The following MOCOS variants were observed in gnomAD, a reference collection of about 807,000 sequenced individuals.
MOCOS encodes molybdenum cofactor sulfurase.
A neutral mutation model predicts 83.6 loss-of-function variants in MOCOS; 86 were observed. The observed-to-expected ratio is 1.03, with a 90% CI of 0.86 to 1.23. The LOEUF (loss-of-function observed/expected upper bound fraction) is 1.23, where lower values mean the gene tolerates loss of function less well. Among genes scored for constraint, MOCOS ranks in the 50% most tolerant of loss-of-function variants. The pLI, the probability that MOCOS is intolerant of heterozygous loss-of-function variation, is 0.00. For synonymous variants in MOCOS, 445 were observed against 434.7 expected, an observed-to-expected ratio of 1.02 and a Z score of -0.29; for missense variants, 1,120 against 1,126.9, an observed-to-expected ratio of 0.99 and a Z score of 0.09.
At chr18:36,226,670 A>C (rs919299430) in intron 9 of MOCOS, among the ~76,000 whole-genome samples, 2 of 143,256 alleles carry the variant, frequency 1.4e-5, no homozygotes, top group African/African-American at 5.1e-5. Context: ...ATGGGCTTTA[A>C]TTCCTTTGTC....
intron 9 of MOCOS, among the ~76,000 whole-genome samples, chr18:36,247,105 G>C (rs112684503): frequency 1.1e-4 from 16 of 152,280 alleles, no homozygotes; most frequent in African/African-American, 3.8e-4. Flanking sequence ...GGCTGTTTCT[G>C]CTGTGTCAAA....
chr18:36,190,405 C>T (rs914328385), intron 1 of MOCOS: 1 of 151,980 alleles, frequency 6.6e-6, no homozygotes, highest in Non-Finnish European at 1.5e-5. Flanking sequence ...GGTGGATTTC[C>T]CCCTTGCAGT....
intron 8 of MOCOS, among the ~76,000 whole-genome samples, chr18:36,217,365 A>C (rs2091479486): frequency 6.6e-6 from 1 of 152,172 alleles, no homozygotes; most frequent in Non-Finnish European, 1.5e-5. Context: ...AAGTATATTA[A>C]AAATATTAAA....
chr18:36,258,572 A>G (rs1419937017), intron 12 of MOCOS, among the ~76,000 whole-genome samples: 1 of 152,144 alleles, frequency 6.6e-6, no homozygotes, highest in African/African-American at 2.4e-5. Context: ...TTTGCCATTC[A>G]AAGGAGATTG....
At chr18:36,259,216 GA>G (rs1161824797) in intron 12 of MOCOS, among the ~76,000 whole-genome samples, 12 of 152,110 alleles carry the variant, frequency 7.9e-5, no homozygotes, top group Non-Finnish European at 1.3e-4. Flanking sequence ...GCTGAGGTGG[GA>G]GGATCACTTG....
At position 36,239,781 on chromosome 18, in the gene MOCOS, G is replaced by A. The variant is rs1300570136; in HGVS notation, c.1961-9141G>A. Among the ~76,000 whole-genome samples, 63 of 150,010 alleles carry A rather than the reference G, an allele frequency of 4.2e-4. 1 individual carries two copies. Among genetic ancestry groups the A allele is most frequent in the African/African-American group, 1.4e-3 (56 of 40,896 alleles). The stretch of plus-strand genomic sequence containing the variant: ...TCACTTTCAGGTACACCAATCAGAC[G>A]TAGATTTGGTCTTTTCACATAGTCC... On this transcript the variant is annotated intron_variant, in intron 9 of 14. Coordinates refer to ENST00000261326, the MANE Select transcript of MOCOS (RefSeq NM_017947.4).
chr18:36,235,021 A>C (rs2091552581), intron 9 of MOCOS, among the ~76,000 whole-genome samples: 1 of 152,096 alleles, frequency 6.6e-6, no homozygotes, highest in African/African-American at 2.4e-5. Context: ...TTGGATGGGG[A>C]TACAGAGCCA....
chr18:36,206,632 TC>T (rs1304502531), intron 6 of MOCOS, among the ~76,000 whole-genome samples: 1 of 152,124 alleles, frequency 6.6e-6, no homozygotes, highest in African/African-American at 2.4e-5. Flanking sequence ...AATCTTCCCC[TC>T]CCCCCACCTT....
In MOCOS at chr18:36,227,815, A is replaced by T. The variant is rs144872421; in HGVS notation, c.1960+7598A>T. ...AGTGAAGACAGCAAAAGCAATTGCAACAAAAGCAAAAATTGACAAATGGGA... is the reference window on the plus strand; with the variant it reads ...AGTGAAGACAGCAAAAGCAATTGCATCAAAAGCAAAAATTGACAAATGGGA... On this transcript the variant is annotated intron_variant, in intron 9 of 14. Coordinates refer to ENST00000261326, the MANE Select transcript of MOCOS (RefSeq NM_017947.4). Among the ~76,000 whole-genome samples the T allele has an allele frequency of 2.7e-3, 419 of 152,366 alleles. 2 individuals are homozygous for T. Among genetic ancestry groups the T allele is most frequent in the African/African-American group, 9.6e-3 (400 of 41,588 alleles).
chr18:36,253,364 G>A (rs2144142954), intron 11 of MOCOS, among the ~76,000 whole-genome samples: 1 of 152,208 alleles, frequency 6.6e-6, no homozygotes, highest in South Asian at 2.1e-4. Flanking sequence ...GTTTGGAGCT[G>A]CAACTTAAAA....
At position 36,192,792 on chromosome 18, in the gene MOCOS, C is replaced by T. The variant is rs534358025; in HGVS notation, c.143-2465C>T. Among the ~76,000 whole-genome samples the T allele has an allele frequency of 1.9e-4, 29 of 152,070 alleles. No homozygotes were observed. In the East Asian group the frequency reaches 4.9e-3, roughly 26 times the overall value. On this transcript the variant is annotated intron_variant, in intron 1 of 14. Coordinates refer to ENST00000261326, the MANE Select transcript of MOCOS (RefSeq NM_017947.4). Reference sequence around the variant, plus strand: ...CCTCCCAAGTAGCTGGGATTACAGGCGCACGCCATTACCGCCTGGCTAATT... The same window carrying T: ...CCTCCCAAGTAGCTGGGATTACAGGTGCACGCCATTACCGCCTGGCTAATT...
intron 12 of MOCOS, among the ~76,000 whole-genome samples, chr18:36,259,557 A>ACC (rs1568069582): frequency 1.3e-5 from 2 of 151,424 alleles, no homozygotes; most frequent in Middle Eastern, 3.4e-3. Context: ...AATACCCAAA[A>ACC]AAAAAAAAAA....
rs865895201 is a variant in MOCOS, at chr18:36,215,706, G to A, written c.1526G>A (p.Gly509Glu). Residue 509 changes from glycine (G) to glutamate (E), a missense_variant, in exon 8 of 15, where the codon GGA becomes GAA. Physicochemically the swap from Gly to Glu is moderately conservative, Grantham distance 98. Transcript: ENST00000261326. ...GCCCATGCTGACACCGGGGAGACTGGAGCCCCATCAGCAGACAGCCAGGCT... is the reference window on the plus strand; with the variant it reads ...GCCCATGCTGACACCGGGGAGACTGAAGCCCCATCAGCAGACAGCCAGGCT... ...PQAHADTGETGAPSADSQADV... is the reference protein window; with the variant it reads ...PQAHADTGETEAPSADSQADV... 5 of 1,614,000 alleles carry A rather than the reference G, an allele frequency of 3.1e-6. No homozygotes were observed. The highest frequency in any genetic ancestry group is 1.3e-5 in the African/African-American group (1 of 74,898).
rs1010984234 is a variant in MOCOS at position 36,209,358 on chromosome 18, GT to G, written c.1219-4002del. Among the ~76,000 whole-genome samples the G allele has an allele frequency of 5.9e-5, 9 of 152,060 alleles. 1 individual carries two copies. In the South Asian group the frequency reaches 1.9e-3, roughly 32 times the overall value. On this transcript the variant is annotated intron_variant, in intron 6 of 14. Transcript: ENST00000261326. ...CATGCCCAGCTAATTTATTTTAATA[GT>G]TTTTTATTGTACAGGTGGTTTTTGG...
At chr18:36,202,226 G>A (rs928935593) in intron 4 of MOCOS, among the ~76,000 whole-genome samples, 8 of 152,166 alleles carry the variant, frequency 5.3e-5, no homozygotes, top group African/African-American at 1.4e-4. Context: ...ATAACTCAGC[G>A]AAGTACATCC....
At chr18:36,241,817 C>T (rs939338244) in intron 9 of MOCOS, among the ~76,000 whole-genome samples, 1 of 152,248 alleles carries the variant, frequency 6.6e-6, no homozygotes, top group Non-Finnish European at 1.5e-5. Flanking sequence ...GGCCCAATAC[C>T]ACATGGAAGC....
intron 1 of MOCOS, among the ~76,000 whole-genome samples, chr18:36,190,763 A>G (rs919542337): frequency 6.6e-6 from 1 of 151,896 alleles, no homozygotes; most frequent in Non-Finnish European, 1.5e-5. Flanking sequence ...AAAACAAAAA[A>G]ACAAAACAAA....
intron 7 of MOCOS, 141 bp from the exon 8 acceptor site, chr18:36,215,375 A>T: frequency 1.2e-6 from 1 of 815,108 alleles, no homozygotes; most frequent in Non-Finnish European, 2.0e-6. Context: ...ACTATGTCCC[A>T]GACGCACAGC....
intron 9 of MOCOS, among the ~76,000 whole-genome samples, chr18:36,242,786 C>G (rs964693648): frequency 2.6e-5 from 4 of 152,146 alleles, no homozygotes; most frequent in Admixed American, 6.5e-5. Context: ...CTCATGAGAA[C>G]TCACTGTCAT....
Sources: allele counts gnomAD v4.1 joint callset (sites outside exome capture counted in the v4.1 genomes callset), GRCh38; gene constraint gnomAD v4.1.1; transcripts MANE v1.5; gene names NCBI Gene and HGNC (gene_info 2026-07-23, HGNC 2026-07-21).